PCDH9: variants seen among roughly 807,000 people sequenced by gnomAD.
PCDH9 encodes protocadherin 9.
Under a neutral mutation model 70.6 loss-of-function variants are expected in PCDH9, and 24 were observed. The observed-to-expected ratio is 0.34, with a 90% CI of 0.25 to 0.48. The LOEUF is 0.48. Among genes scored for constraint, PCDH9 ranks in the 20% least tolerant of loss-of-function variants. The probability of loss-of-function intolerance (pLI) is 0.99; values close to 1 mark genes in which losing one functional copy is unlikely to be tolerated. For synonymous variants in PCDH9, 562 were observed against 558.5 expected (o/e 1.01, Z -0.09); for missense variants, 1,281 against 1,503.6 (o/e 0.85, Z 2.45).
intron 2 of PCDH9, chr13:67,214,587 A>G (rs2089546712): frequency 6.6e-6 from 1 of 152,154 alleles, no homozygotes. Context: ...TGAAATAGGT[A>G]AAATACTCAA....
intron 2 of PCDH9, chr13:67,216,687 T>TATATATATATATATATATATATATGG (rs1169463870): frequency 2.9e-5 from 4 of 138,316 alleles, no homozygotes; most frequent in African/African-American, 1.0e-4. Context: ...AAGCAACATA[T>TATATATATATATATATATATATATGG]ATATATATAT....
chr13:66,547,075 G>A (rs1430736741), intron 4 of PCDH9, among the ~76,000 whole-genome samples: 1 of 152,170 alleles, frequency 6.6e-6, no homozygotes, highest in Non-Finnish European at 1.5e-5. Flanking sequence ...GACACATACT[G>A]TAATTACTTC....
chr13:66,667,578 G>A (rs753794113), intron 3 of PCDH9, among the ~76,000 whole-genome samples: 3 of 152,028 alleles, frequency 2.0e-5, no homozygotes, highest in South Asian at 2.1e-4. Flanking sequence ...CAAATTTATC[G>A]TGTTTTATTA....
chr13:66,998,193 G>C (rs897245013), intron 2 of PCDH9, among the ~76,000 whole-genome samples: 1 of 152,204 alleles, frequency 6.6e-6, no homozygotes. Flanking sequence ...AAGAGAATGT[G>C]CCAGGGCCCG....
intron 3 of PCDH9, among the ~76,000 whole-genome samples, chr13:66,639,360 T>C (rs1411846330): frequency 1.3e-5 from 2 of 152,212 alleles, no homozygotes; most frequent in African/African-American, 2.4e-5. Flanking sequence ...TGAAATGAGT[T>C]CCTCAAACTA....
At chr13:66,815,751 G>T (rs2080591961) in intron 3 of PCDH9, among the ~76,000 whole-genome samples, 1 of 151,888 alleles carries the variant, frequency 6.6e-6, no homozygotes, top group African/African-American at 2.4e-5. Context: ...TAGACACCAG[G>T]GCCTACTTGA....
chr13:66,363,739 C>T (rs1251371717), intron 4 of PCDH9, among the ~76,000 whole-genome samples: 1 of 152,178 alleles, frequency 6.6e-6, no homozygotes, highest in Non-Finnish European at 1.5e-5. Flanking sequence ...TATATTTGTA[C>T]ATGTGAACAT....
At chr13:66,676,808 C>T (rs1566498913) in intron 3 of PCDH9, among the ~76,000 whole-genome samples, 1 of 152,056 alleles carries the variant, frequency 6.6e-6, no homozygotes, top group Non-Finnish European at 1.5e-5. Context: ...GAGTGCAGAT[C>T]ATGTGTCTCC....
At chr13:66,996,373 C>T (rs912634073) in intron 2 of PCDH9, 1 of 151,510 alleles carries the variant, frequency 6.6e-6, no homozygotes, top group Admixed American at 6.6e-5. Flanking sequence ...AGAAAAAGCA[C>T]AGGATAGTTG....
chr13:66,759,428 T>C (rs991592983), intron 3 of PCDH9, among the ~76,000 whole-genome samples: 18 of 152,138 alleles, frequency 1.2e-4, no homozygotes, highest in African/African-American at 4.3e-4. Context: ...TCCTGTTTTG[T>C]TTATACATTC....
At chr13:66,424,626 C>A (rs1340871770) in intron 4 of PCDH9, among the ~76,000 whole-genome samples, 1 of 151,926 alleles carries the variant, frequency 6.6e-6, no homozygotes, top group East Asian at 1.9e-4. Context: ...CAGAAGTTTT[C>A]TTAATCATCC....
At chr13:66,605,837 A>G (rs2077216257) in intron 4 of PCDH9, among the ~76,000 whole-genome samples, 1 of 152,020 alleles carries the variant, frequency 6.6e-6, no homozygotes, top group Non-Finnish European at 1.5e-5. Flanking sequence ...AAGACTTCAT[A>G]CACCATGTGC....
chr13:66,436,310 C>T (rs1957867314), intron 4 of PCDH9, among the ~76,000 whole-genome samples: 1 of 152,064 alleles, frequency 6.6e-6, no homozygotes, highest in South Asian at 2.1e-4. Context: ...CTACCTTCTG[C>T]CTTGTGAAGA....
rs73509494 is a variant in PCDH9, at chr13:67,179,282, G to A, written c.3036+46123C>T. ...AGAGCCAGTGTTCACTTTCAGAATT[G>A]TCAGACCCAAAGTTCCATGTAGAAA... is the stretch of plus-strand genomic sequence containing the variant. On this transcript the variant is annotated intron_variant, in intron 2 of 4. Coordinates refer to ENST00000377865, the MANE Select transcript of PCDH9 (RefSeq NM_203487.3). Among the ~76,000 whole-genome samples, 1,519 of 152,134 alleles carry A rather than the reference G, an allele frequency of 1.0e-2. 27 individuals carry two copies. Among genetic ancestry groups the A allele is most frequent in the African/African-American group, 0.036 (1,477 of 41,552 alleles).
chr13:66,505,765 C>G (rs1959205482), intron 4 of PCDH9, among the ~76,000 whole-genome samples: 1 of 152,124 alleles, frequency 6.6e-6, no homozygotes, highest in African/African-American at 2.4e-5. Context: ...GTCCCTCATA[C>G]AATACGTGGG....
At chr13:66,326,249 G>A (rs1014867224) in intron 4 of PCDH9, among the ~76,000 whole-genome samples, 2 of 152,018 alleles carry the variant, frequency 1.3e-5, no homozygotes, top group East Asian at 1.9e-4. Context: ...AACCCCAGCA[G>A]TGTTCTCTTG....
chr13:66,745,745 A>G (rs758499339), intron 3 of PCDH9, among the ~76,000 whole-genome samples: 2 of 152,128 alleles, frequency 1.3e-5, no homozygotes, highest in Non-Finnish European at 2.9e-5. Context: ...GAGAATTTGT[A>G]TATTTTTTTT....
intron 2 of PCDH9, among the ~76,000 whole-genome samples, chr13:67,142,307 T>C (rs549718788): frequency 6.6e-6 from 1 of 152,200 alleles, no homozygotes; most frequent in East Asian, 1.9e-4. Flanking sequence ...AGATCTTACA[T>C]TGATTCAGTA....
rs2083447057 is a variant in PCDH9, at chr13:66,967,283, G to C, written c.3037-63678C>G. Among the ~76,000 whole-genome samples, 3 of 151,976 alleles carry C rather than the reference G, an allele frequency of 2.0e-5. No individual in the cohort carries two copies. The South Asian group carries it at 6.2e-4, about 32-fold the overall frequency. ...ATTGACAGGTGGAATTATTCGTAGT[G>C]ATATCAAATTAATCCAGTTGTTTAA... is the stretch of plus-strand genomic sequence containing the variant. On this transcript the variant is annotated intron_variant, in intron 2 of 4. Coordinates refer to ENST00000377865, the MANE Select transcript of PCDH9 (RefSeq NM_203487.3).
Sources: gnomAD v4.1 joint callset for allele counts (sites outside exome capture counted in the v4.1 genomes callset) on GRCh38, gnomAD v4.1.1 for gene constraint, MANE v1.5 for transcripts, NCBI Gene and HGNC (gene_info 2026-07-23, HGNC 2026-07-21) for gene names.